Variants in ST6GAL2 observed in about 807,000 individuals in gnomAD.
The protein encoded by ST6GAL2 is ST6 beta-galactoside alpha-2,6-sialyltransferase 2, also known as beta-galactoside alpha-2,6-sialyltransferase 2.
A neutral mutation model predicts 37.5 loss-of-function variants in ST6GAL2; 24 were observed. That is an observed-to-expected ratio of 0.64 (90% CI 0.46 to 0.90). ST6GAL2 has a LOEUF of 0.90. Among genes scored for constraint, ST6GAL2 ranks in the 40% least tolerant of loss-of-function variants. ST6GAL2 has a pLI of 0.00. For synonymous variants in ST6GAL2, 306 were observed against 295.1 expected, an observed-to-expected ratio of 1.04 and a Z score of -0.38; for missense variants, 715 against 712.7, an observed-to-expected ratio of 1.00 and a Z score of -0.04.
chr2:106,820,855 CTA>C (rs1302498925), intron 5 of ST6GAL2, among the ~76,000 whole-genome samples: 1 of 151,868 alleles, frequency 6.6e-6, no homozygotes, highest in African/African-American at 2.4e-5. Context: ...ATTTTGGAAA[CTA>C]TATAAACACA....
At chr2:106,877,010 G>GA (rs1425975658) in intron 1 of ST6GAL2, among the ~76,000 whole-genome samples, 2 of 152,150 alleles carry the variant, frequency 1.3e-5, no homozygotes, top group Non-Finnish European at 2.9e-5. Context: ...GTAGGTGGGG[G>GA]AAAGTAAAGA....
chr2:106,872,375 C>G (rs1573315040), intron 1 of ST6GAL2, among the ~76,000 whole-genome samples: 1 of 152,150 alleles, frequency 6.6e-6, no homozygotes, highest in African/African-American at 2.4e-5. Flanking sequence ...TGGGGACTGC[C>G]AAGCTGACAC....
At chr2:106,811,370 G>T (rs1425959693) in intron 5 of ST6GAL2, among the ~76,000 whole-genome samples, 2 of 152,104 alleles carry the variant, frequency 1.3e-5, no homozygotes, top group African/African-American at 4.8e-5. Context: ...TCAGAATGGG[G>T]TAGGTGGGGA....
At chr2:106,877,086 T>C (rs1301930838) in intron 1 of ST6GAL2, among the ~76,000 whole-genome samples, 1 of 152,216 alleles carries the variant, frequency 6.6e-6, no homozygotes, top group Non-Finnish European at 1.5e-5. Context: ...AGATGTTCAT[T>C]TGACATTTCT....
intron 1 of ST6GAL2, among the ~76,000 whole-genome samples, chr2:106,882,029 A>G (rs916431945): frequency 2.0e-5 from 3 of 152,122 alleles, no homozygotes; most frequent in Non-Finnish European, 2.9e-5. Context: ...TATCAGCCCA[A>G]ATTTCATTCT....
intron 1 of ST6GAL2, among the ~76,000 whole-genome samples, chr2:106,851,477 A>C (rs1677355444): frequency 6.6e-6 from 1 of 152,248 alleles, no homozygotes; most frequent in Admixed American, 6.5e-5. Context: ...TTGTCAGATA[A>C]AACTATGAAA....
chr2:106,843,158 G>T lies in ST6GAL2; in HGVS notation c.820C>A (p.Leu274Met), dbSNP rs1407134914. 1 of 1,563,204 alleles carries T rather than the reference G, an allele frequency of 6.4e-7. No homozygotes were observed. Among genetic ancestry groups the T allele is most frequent in the Non-Finnish European group, 8.7e-7 (1 of 1,155,718 alleles). The change falls in exon 2 of 6, where the codon CTG becomes ATG. Residue 274 changes from leucine to methionine, a missense_variant. Physicochemically the swap from Leu to Met is conservative, Grantham distance 15. Coordinates refer to ENST00000409382, the MANE Select transcript of ST6GAL2 (RefSeq NM_001142351.2). Reference protein sequence around the residue: ...LDGTEAPFSALGWRRLVPAVP... With the variant: ...LDGTEAPFSAMGWRRLVPAVP... ...GCGGGCACCAGGCGCCGCCAGCCCA[G>T]CGCAGAAAAGGGCGCCTCGGTGCCG...
chr2:106,879,126 C>G (rs1044733428), intron 1 of ST6GAL2, among the ~76,000 whole-genome samples: 10 of 152,120 alleles, frequency 6.6e-5, no homozygotes, highest in Admixed American at 2.0e-4. Context: ...ACTTCTGGTT[C>G]TACATCGAAT....
intron 2 of ST6GAL2, 41 bp from the exon 3 acceptor site, chr2:106,834,187 A>T (rs1487241994): frequency 1.4e-6 from 2 of 1,426,800 alleles, no homozygotes; most frequent in Admixed American, 3.4e-5. Context: ...TGTTCTCTGT[A>T]GAATCACATA....
intron 2 of ST6GAL2, among the ~76,000 whole-genome samples, chr2:106,839,639 C>A (rs1448306208): frequency 2.0e-5 from 3 of 152,146 alleles, no homozygotes; most frequent in Non-Finnish European, 2.9e-5. Flanking sequence ...CTATGCATCC[C>A]ACCCCCAGTC....
chr2:106,837,294 C>A (rs924880538), intron 2 of ST6GAL2, among the ~76,000 whole-genome samples: 1 of 152,124 alleles, frequency 6.6e-6, no homozygotes, highest in Admixed American at 6.5e-5. Flanking sequence ...ATGTGCCCCA[C>A]TGAATCTGAA....
At chr2:106,842,561 T>C (rs1008016105) in intron 2 of ST6GAL2, among the ~76,000 whole-genome samples, 5 of 152,206 alleles carry the variant, frequency 3.3e-5, no homozygotes, top group African/African-American at 1.2e-4. Flanking sequence ...GACGCCCTGA[T>C]TGGGCAGCTT....
In ST6GAL2 at chr2:106,843,709, T is replaced by A; in HGVS notation, c.269A>T (p.His90Leu). 6.2e-7 allele frequency: 1 copy of A among 1,613,024 alleles called. No individual in the cohort carries two copies. Among genetic ancestry groups the A allele is most frequent in the East Asian group, 2.2e-5 (1 of 44,846 alleles). ...LPRAHPAGSF[H>L]AGPGDLQKWA... The stretch of plus-strand genomic sequence containing the variant: ...TTTCTGCAGGTCTCCAGGCCCCGCA[T>A]GAAAGGAACCGGCTGGGTGGGCGCG... The change falls in exon 2 of 6, where the codon CAT becomes CTT. Residue 90 changes from histidine to leucine, a missense_variant. Physicochemically the swap from His to Leu is moderately conservative, Grantham distance 99 (BLOSUM62 -3). Coordinates refer to ENST00000409382, the MANE Select transcript of ST6GAL2 (RefSeq NM_001142351.2).
At position 106,804,274 on chromosome 2, in the gene ST6GAL2, T is replaced by G. The variant is rs1404127870; in HGVS notation, c.*2404A>C. ...GTTCTGAGGCTTTTGAACTTGAATA[T>G]TTACACTGACCCCAATAAATTCTCC... On this transcript the variant is annotated 3_prime_UTR_variant, in exon 6 of 6. Transcript: ENST00000409382. The G allele has an allele frequency of 6.6e-6, 1 of 152,188 alleles. No individual in the cohort carries two copies. 9.4% of individuals were successfully genotyped at this position (152,188 alleles called of 1,614,324 possible).
upstream of ST6GAL2, chr2:106,887,011 C>T (rs1403109857): frequency 1.3e-5 from 2 of 152,154 alleles, no homozygotes; most frequent in Non-Finnish European, 2.9e-5. Flanking sequence ...GCCTGGACAC[C>T]TCCGGGGCAC....
rs762777853 is a variant in ST6GAL2, at chr2:106,832,658, G to A, written c.1050C>T (p.Thr350=). ...TIRIINSQIL[T]NPSHHFIDSS... The stretch of plus-strand genomic sequence containing the variant: ...TGTCAATGAAGTGATGGCTGGGGTT[G>A]GTCAGAATCTGCAAACACACAGAAA... The change falls in exon 4 of 6, where the codon ACC becomes ACT. Residue 350 remains threonine (T), a synonymous_variant. Transcript: ENST00000409382. The A allele has an allele frequency of 1.2e-6, 2 of 1,607,724 alleles. No homozygotes were observed. Among genetic ancestry groups the A allele is most frequent in the Non-Finnish European group, 8.5e-7 (1 of 1,174,304 alleles).
intron 1 of ST6GAL2, among the ~76,000 whole-genome samples, chr2:106,883,756 AACTC>A (rs79298084): frequency 0.31 from 46,968 of 151,794 alleles, 8,739 homozygotes; most frequent in Non-Finnish European, 0.43. Flanking sequence ...GAAAAGAAAA[AACTC>A]AATCAATCAG....
chr2:106,855,387 T>C (rs1190188742), intron 1 of ST6GAL2, among the ~76,000 whole-genome samples: 1 of 152,238 alleles, frequency 6.6e-6, no homozygotes, highest in African/African-American at 2.4e-5. Flanking sequence ...CTAAATCTCT[T>C]AGCTCCATCT....
chr2:106,806,605 C>G lies in ST6GAL2; in HGVS notation c.*73G>C, dbSNP rs73949759. The G allele has an allele frequency of 6.6e-7, 1 of 1,512,014 alleles. No homozygotes were observed. Among genetic ancestry groups the G allele is most frequent in the East Asian group, 2.3e-5 (1 of 44,166 alleles). The allele number at this position is 1,512,014 out of a possible 1,614,324, so 93.7% of individuals were successfully genotyped here. On this transcript the variant is annotated 3_prime_UTR_variant, in exon 6 of 6. Transcript: ENST00000409382. ...CAAAACTACACTGTCTAAAATCTAT[C>G]TTCAAGTATTCTTTTGTGACTTTGA...
Sources: allele counts gnomAD v4.1 joint callset (sites outside exome capture counted in the v4.1 genomes callset), GRCh38; gene constraint gnomAD v4.1.1; transcripts MANE v1.5; gene names NCBI Gene and HGNC (gene_info 2026-07-23, HGNC 2026-07-21).